Variants in GRIP1 observed in about 807,000 individuals in gnomAD.
GRIP1 encodes glutamate receptor interacting protein 1.
GRIP1 carries 45 observed loss-of-function variants against 129.9 expected under a neutral mutation model. The observed-to-expected ratio is 0.35, with a 90% CI of 0.27 to 0.44. The LOEUF is 0.44. Among genes scored for constraint, GRIP1 ranks in the 20% least tolerant of loss-of-function variants. The pLI is 1.00. For missense variants in GRIP1, 1,196 were observed against 1,396.8 expected, an observed-to-expected ratio of 0.86 and a Z score of 2.29; for synonymous variants, 530 against 520.8, an observed-to-expected ratio of 1.02 and a Z score of -0.24.
chr12:66,672,632 G>C (rs1034631025), intron 1 of GRIP1, among the ~76,000 whole-genome samples: 1 of 151,920 alleles, frequency 6.6e-6, no homozygotes, highest in African/African-American at 2.4e-5. Flanking sequence ...GCAAAAAAGT[G>C]GTAAGAAACT....
Position 66,379,968 on chromosome 12 carries a change from C to T in GRIP1, c.2465-532G>A, listed in dbSNP as rs148261846. ...TCATCCAGGATGGAGTACAGTGGTA[C>T]GATCTCGCCCCACCACAACCTCCTC... On this transcript the variant is annotated intron_variant, in intron 19 of 24. Transcript: ENST00000359742. Among the ~76,000 whole-genome samples the T allele has an allele frequency of 4.8e-3, 725 of 152,100 alleles. 4 individuals carry two copies. Among genetic ancestry groups the T allele is most frequent in the African/African-American group, 0.017 (694 of 41,472 alleles).
At chr12:66,378,405 T>TGG (rs1473161617) in intron 20 of GRIP1, among the ~76,000 whole-genome samples, 1 of 151,838 alleles carries the variant, frequency 6.6e-6, no homozygotes, top group African/African-American at 2.4e-5. Flanking sequence ...TGAGCTGAGA[T>TGG]CATACCACTG....
intron 1 of GRIP1, among the ~76,000 whole-genome samples, chr12:66,801,025 A>G (rs929585734): frequency 2.6e-5 from 4 of 152,222 alleles, no homozygotes; most frequent in Non-Finnish European, 5.9e-5. Flanking sequence ...TTCCCTCAGG[A>G]TATTTAGGTG....
At chr12:66,824,424 T>C (rs2136995370) in intron 1 of GRIP1, among the ~76,000 whole-genome samples, 1 of 152,302 alleles carries the variant, frequency 6.6e-6, no homozygotes, top group East Asian at 1.9e-4. Flanking sequence ...ACTCCATGCC[T>C]GAAGCATTTT....
At chr12:66,695,433 C>T (rs531053192) in intron 1 of GRIP1, among the ~76,000 whole-genome samples, 21 of 152,228 alleles carry the variant, frequency 1.4e-4, no homozygotes, top group African/African-American at 4.3e-4. Flanking sequence ...ATGGGCCACA[C>T]GAGAGGAGGA....
At chr12:66,976,322 G>A (rs918051642) in intron 1 of GRIP1, among the ~76,000 whole-genome samples, 3 of 152,130 alleles carry the variant, frequency 2.0e-5, no homozygotes, top group African/African-American at 7.2e-5. Context: ...ATGTATTGGT[G>A]ATTTATATAT....
At chr12:66,416,909 G>C (rs951274778) in intron 15 of GRIP1, among the ~76,000 whole-genome samples, 11 of 151,616 alleles carry the variant, frequency 7.3e-5, no homozygotes, top group African/African-American at 2.2e-4. Context: ...ATTCTATGAG[G>C]CCAGTATTAC....
At chr12:66,597,279 G>A (rs934153102) in intron 1 of GRIP1, among the ~76,000 whole-genome samples, 1 of 152,104 alleles carries the variant, frequency 6.6e-6, no homozygotes, top group African/African-American at 2.4e-5. Context: ...CCAGTGAATA[G>A]GTGTAATGAA....
intron 16 of GRIP1, among the ~76,000 whole-genome samples, chr12:66,400,430 C>A (rs991618942): frequency 1.3e-5 from 2 of 152,068 alleles, no homozygotes; most frequent in Non-Finnish European, 2.9e-5. Flanking sequence ...CTCTGCTACA[C>A]CAATACTCCA....
chr12:66,538,241 C>T (rs984429076), intron 4 of GRIP1, among the ~76,000 whole-genome samples: 1 of 150,742 alleles, frequency 6.6e-6, no homozygotes, highest in Non-Finnish European at 1.5e-5. Flanking sequence ...GCTCTGTCAC[C>T]TAGGCTGGAG....
At chr12:66,605,559 A>G (rs899041186) in intron 1 of GRIP1, among the ~76,000 whole-genome samples, 1 of 152,154 alleles carries the variant, frequency 6.6e-6, no homozygotes, top group African/African-American at 2.4e-5. Context: ...TGATCCACAT[A>G]TATCTGTGGG....
rs190571198 is a variant in GRIP1, at chr12:66,464,470, T to C, written c.872+805A>G. Among the ~76,000 whole-genome samples, 733 of 152,312 alleles carry C rather than the reference T, an allele frequency of 4.8e-3. 4 individuals carry two copies. The highest frequency in any genetic ancestry group is 0.016 in the African/African-American group (684 of 41,562). On this transcript the variant is annotated intron_variant, in intron 8 of 24. Coordinates refer to ENST00000359742, the MANE Select transcript of GRIP1 (RefSeq NM_001366722.1). The stretch of plus-strand genomic sequence containing the variant: ...AGTATAGGACTTTTTAAAAGTATTG[T>C]AAAAAATATTTTAAAAAGTATTGTT...
intron 11 of GRIP1, among the ~76,000 whole-genome samples, chr12:66,449,873 T>C (rs1441259478): frequency 6.6e-6 from 1 of 152,196 alleles, no homozygotes; most frequent in Admixed American, 6.5e-5. Context: ...TTTACTTTCT[T>C]TGACTCTTTT....
At chr12:66,521,494 G>T (rs1222371889) in intron 5 of GRIP1, among the ~76,000 whole-genome samples, 3 of 152,208 alleles carry the variant, frequency 2.0e-5, no homozygotes, top group African/African-American at 7.2e-5. Context: ...AAACAATCAA[G>T]AAATGTGAAC....
At chr12:66,503,980 G>GTCAT (rs1565806575) in intron 7 of GRIP1, among the ~76,000 whole-genome samples, 1 of 152,124 alleles carries the variant, frequency 6.6e-6, no homozygotes. Context: ...AAACAAAAAG[G>GTCAT]TCATTGTGTA....
chr12:66,580,645 T>A (rs1216400231), intron 2 of GRIP1, among the ~76,000 whole-genome samples: 3 of 141,876 alleles, frequency 2.1e-5, no homozygotes, highest in Admixed American at 7.0e-5. Flanking sequence ...CCAACAAAGA[T>A]CAAAAGAGAC....
chr12:66,487,006 G>T (rs1404482299), intron 7 of GRIP1, among the ~76,000 whole-genome samples: 1 of 152,034 alleles, frequency 6.6e-6, no homozygotes, highest in East Asian at 1.9e-4. Context: ...GCCCAGGCTG[G>T]TCTCAAACTC....
At chr12:66,985,589 T>G (rs1026742050) in intron 1 of GRIP1, among the ~76,000 whole-genome samples, 2 of 152,176 alleles carry the variant, frequency 1.3e-5, no homozygotes, top group Middle Eastern at 3.2e-3. Context: ...AATTTGAAGC[T>G]AAATCACCCT....
chr12:66,641,653 T>C (rs1592689698), intron 1 of GRIP1, among the ~76,000 whole-genome samples: 1 of 152,126 alleles, frequency 6.6e-6, no homozygotes, highest in East Asian at 1.9e-4. Flanking sequence ...TGAGACAAGC[T>C]CTGAGGAAAT....
Sources: allele counts gnomAD v4.1 joint callset (sites outside exome capture counted in the v4.1 genomes callset), GRCh38; gene constraint gnomAD v4.1.1; transcripts MANE v1.5; gene names NCBI Gene and HGNC (gene_info 2026-07-23, HGNC 2026-07-21).